Variants in NRXN3 observed in about 807,000 individuals in gnomAD.
The protein encoded by NRXN3 is neurexin III.
A neutral mutation model predicts 137.6 loss-of-function variants in NRXN3; 32 were observed. The observed-to-expected ratio is 0.23, with a 90% CI of 0.18 to 0.31. The LOEUF (loss-of-function observed/expected upper bound fraction) is 0.31, where lower values mean the gene tolerates loss of function less well. Among genes scored for constraint, NRXN3 ranks in the 10% least tolerant of loss-of-function variants. NRXN3 has a pLI of 1.00. For missense variants in NRXN3, 1,574 were observed against 2,062.5 expected, an observed-to-expected ratio of 0.76 and a Z score of 4.59; for synonymous variants, 798 against 784.5, an observed-to-expected ratio of 1.02 and a Z score of -0.29.
chr14:79,579,690 A>AT (rs1022337678), intron 16 of NRXN3, among the ~76,000 whole-genome samples: 4 of 152,154 alleles, frequency 2.6e-5, no homozygotes, highest in African/African-American at 9.7e-5. Context: ...AATATTTTAC[A>AT]TATCAGTGGG....
intron 3 of NRXN3, among the ~76,000 whole-genome samples, chr14:78,285,263 T>A (rs917352294): frequency 3.3e-5 from 5 of 152,224 alleles, no homozygotes; most frequent in African/African-American, 1.2e-4. Flanking sequence ...ATTTTGTTTT[T>A]TCTTTGCTAT....
rs1022070032 is a variant in NRXN3, at chr14:78,230,580, G to A, written c.-703-11811G>A. The stretch of plus-strand genomic sequence containing the variant: ...AACTTGTCCTAGAGGAGACACTGGA[G>A]TGTGGGGACCCAGAGAAGAGGGAGT... On this transcript the variant is annotated intron_variant, in intron 1 of 20. Transcript: ENST00000335750. 1.2e-4 allele frequency among the ~76,000 whole-genome samples: 18 copies of A among 152,296 alleles called. No individual in the cohort carries two copies. In the East Asian group the frequency reaches 3.1e-3, roughly 26 times the overall value.
At chr14:78,989,664 G>T (rs1442421268) in intron 15 of NRXN3, among the ~76,000 whole-genome samples, 2 of 152,128 alleles carry the variant, frequency 1.3e-5, no homozygotes. Context: ...GAGAACCTGA[G>T]GAATTATACT....
intron 8 of NRXN3, among the ~76,000 whole-genome samples, chr14:78,774,317 T>C (rs757093159): frequency 5.9e-5 from 9 of 152,140 alleles, no homozygotes; most frequent in Non-Finnish European, 1.3e-4. Flanking sequence ...TAATAATAAA[T>C]CCTAAGAATC....
intron 8 of NRXN3, among the ~76,000 whole-genome samples, chr14:78,800,508 A>C (rs1019874568): frequency 4.3e-4 from 66 of 152,124 alleles, no homozygotes; most frequent in African/African-American, 1.5e-3. Context: ...CTAAGAAGAG[A>C]TCTTCATAAT....
chr14:78,350,212 C>A (rs533261046), intron 4 of NRXN3, among the ~76,000 whole-genome samples: 3 of 151,890 alleles, frequency 2.0e-5, no homozygotes, highest in African/African-American at 7.3e-5. Flanking sequence ...TTGCTTGAAC[C>A]AGGGAGGCGG....
intron 15 of NRXN3, chr14:79,280,558 A>G: frequency 6.2e-7 from 1 of 1,602,348 alleles, no homozygotes; most frequent in Non-Finnish European, 8.5e-7. Flanking sequence ...TCTGCTCTTT[A>G]TCCTTTTAAT....
At chr14:78,903,874 T>C (rs1412583264) in intron 10 of NRXN3, among the ~76,000 whole-genome samples, 1 of 152,082 alleles carries the variant, frequency 6.6e-6, no homozygotes, top group Non-Finnish European at 1.5e-5. Context: ...TTAGTAGTCA[T>C]TGAGCCTCTG....
chr14:78,609,773 A>G (rs1246664924), intron 4 of NRXN3, among the ~76,000 whole-genome samples: 4 of 152,232 alleles, frequency 2.6e-5, no homozygotes, highest in Admixed American at 6.5e-5. Context: ...ATTAAAAGCC[A>G]GCAAAAGTAT....
At chr14:79,812,009 T>G (rs1476899761) in intron 20 of NRXN3, among the ~76,000 whole-genome samples, 2 of 152,120 alleles carry the variant, frequency 1.3e-5, no homozygotes, top group East Asian at 3.8e-4. Context: ...AACAGAAATA[T>G]AAGAATAGGA....
intron 15 of NRXN3, among the ~76,000 whole-genome samples, chr14:79,036,604 T>C (rs1187252841): frequency 5.0e-5 from 1 of 19,990 alleles, no homozygotes; most frequent in Admixed American, 3.2e-4. Flanking sequence ...TTTTTTTTTT[T>C]TTTTTTTTTT....
chr14:78,418,494 A>T (rs2093271391), intron 4 of NRXN3, among the ~76,000 whole-genome samples: 1 of 152,154 alleles, frequency 6.6e-6, no homozygotes, highest in South Asian at 2.1e-4. Context: ...GAAGGGAAAG[A>T]TCTCTGAGCC....
At chr14:78,889,871 G>A (rs2099154170) in intron 10 of NRXN3, among the ~76,000 whole-genome samples, 1 of 152,020 alleles carries the variant, frequency 6.6e-6, no homozygotes, top group Non-Finnish European at 1.5e-5. Flanking sequence ...ATCTTGTGAT[G>A]AGATCATCCT....
intron 15 of NRXN3, among the ~76,000 whole-genome samples, chr14:79,341,519 G>A (rs1276618698): frequency 6.6e-6 from 1 of 152,124 alleles, no homozygotes; most frequent in Non-Finnish European, 1.5e-5. Flanking sequence ...CAAGATCTCC[G>A]GAGGCTGTGG....
chr14:79,071,690 G>C (rs1429518174), intron 15 of NRXN3, among the ~76,000 whole-genome samples: 1 of 152,096 alleles, frequency 6.6e-6, no homozygotes, highest in Non-Finnish European at 1.5e-5. Context: ...AACTTGGAGG[G>C]AAAAGTGGGG....
chr14:78,529,418 G>A (rs1019244086), intron 4 of NRXN3, among the ~76,000 whole-genome samples: 1 of 152,178 alleles, frequency 6.6e-6, no homozygotes, highest in African/African-American at 2.4e-5. Context: ...TAGAAACTAA[G>A]TTCTATACTT....
chr14:79,775,486 G>T (rs2099093885), intron 19 of NRXN3, among the ~76,000 whole-genome samples: 2 of 142,294 alleles, frequency 1.4e-5, no homozygotes, highest in African/African-American at 5.2e-5. Flanking sequence ...CATAGGGAAA[G>T]ATATTCAGCC....
At chr14:79,023,300 G>A (rs2099592794) in intron 15 of NRXN3, among the ~76,000 whole-genome samples, 1 of 151,892 alleles carries the variant, frequency 6.6e-6, no homozygotes. Flanking sequence ...GGGTACTGGG[G>A]ATACAGAGAT....
intron 10 of NRXN3, among the ~76,000 whole-genome samples, chr14:78,866,118 G>A (rs1366636582): frequency 6.6e-6 from 1 of 151,996 alleles, no homozygotes; most frequent in Non-Finnish European, 1.5e-5. Context: ...ACAGATGTTT[G>A]GATCACTGAT....
Sources: gnomAD v4.1 joint callset for allele counts (sites outside exome capture counted in the v4.1 genomes callset) on GRCh38, gnomAD v4.1.1 for gene constraint, MANE v1.5 for transcripts, NCBI Gene and HGNC (gene_info 2026-07-23, HGNC 2026-07-21) for gene names.